The following SLC25A35 variants were observed in gnomAD, a reference collection of about 807,000 sequenced individuals.
SLC25A35 encodes solute carrier family 25, member 35.
Under a neutral mutation model 30.5 loss-of-function variants are expected in SLC25A35, and 32 were observed. The ratio of observed to expected loss-of-function variants is 1.05; its 90% CI spans 0.79 to 1.41. The LOEUF (loss-of-function observed/expected upper bound fraction) is 1.41, where lower values mean the gene tolerates loss of function less well. SLC25A35 is among the 40% of genes most tolerant of loss of function. SLC25A35 has a pLI of 0.00. For missense variants in SLC25A35, 369 were observed against 388.0 expected, an observed-to-expected ratio of 0.95 and a Z score of 0.41; for synonymous variants, 142 against 158.1, an observed-to-expected ratio of 0.90 and a Z score of 0.77.
chr17:8,292,367 G>A (rs1206519430), intron 2 of SLC25A35, among the ~76,000 whole-genome samples, 156 bp downstream of exon 2: 1 of 152,160 alleles, frequency 6.6e-6, no homozygotes, highest in Non-Finnish European at 1.5e-5. Flanking sequence ...TAAAAAAAGA[G>A]TAAAGAGGGT....
Position 8,290,170 on chromosome 17 carries a change from TGGAG to T in SLC25A35, c.*331_*334del. ...TGGGTCTCTCGATTCCCTTTGGTTTTGGAGGGAGGAGTTTAAAACTGTGCATGGG... is the reference window on the plus strand; with the variant it reads ...TGGGTCTCTCGATTCCCTTTGGTTTTGGAGGAGTTTAAAACTGTGCATGGG... On this transcript the variant is annotated 3_prime_UTR_variant, in exon 5 of 5. Transcript: ENST00000577745. 1 of 1,434,962 alleles carries T rather than the reference TGGAG, an allele frequency of 7.0e-7. No homozygotes were observed. The highest frequency in any genetic ancestry group is 1.4e-5 in the African/African-American group (1 of 69,716). The allele number at this position is 1,434,962 out of a possible 1,614,324, so 88.9% of individuals were successfully genotyped here. A position where few individuals can be genotyped will look rare whatever the true frequency, so the allele number is the denominator to read the frequency against.
At chr17:8,289,712 T>G (rs896724512), downstream of SLC25A35, 39 of 1,613,200 alleles carry the variant, frequency 2.4e-5, no homozygotes, top group African/African-American at 6.7e-5. Flanking sequence ...GCCAGAGGTT[T>G]GGGGTAACTG....
Position 8,290,420 on chromosome 17 carries a change from A to G in SLC25A35, c.*85T>C. ...GTCCCCCATGGATGGATGAAAGGTC[A>G]CCTAATCAGTAGTCACCAGGACATA... On this transcript the variant is annotated 3_prime_UTR_variant, in exon 5 of 5. Transcript: ENST00000577745. 6.7e-7 allele frequency: 1 copy of G among 1,490,112 alleles called. No individual in the cohort carries two copies. Among genetic ancestry groups the G allele is most frequent in the Non-Finnish European group, 8.9e-7 (1 of 1,122,350 alleles). 92.3% of individuals were successfully genotyped at this position (1,490,112 alleles called of 1,614,324 possible).
intron 2 of SLC25A35, 42 bp downstream of exon 2, chr17:8,292,481 G>T: frequency 2.5e-6 from 4 of 1,594,164 alleles, no homozygotes; most frequent in Non-Finnish European, 3.4e-6. Flanking sequence ...GGGGAAAAGA[G>T]AAAGGATGGT....
At position 8,290,830 on chromosome 17, in the gene SLC25A35, G is replaced by A; in HGVS notation, c.729+12C>T. Reference sequence around the variant, plus strand: ...CCCTGCTTCCCGCCTGCATCCCAGAGCACTTCCTTACCTTGCCCTGTGCAT... The same window carrying A: ...CCCTGCTTCCCGCCTGCATCCCAGAACACTTCCTTACCTTGCCCTGTGCAT... On this transcript the variant is annotated intron_variant, in intron 4 of 4. Coordinates refer to ENST00000577745, the MANE Select transcript of SLC25A35 (RefSeq NM_001320870.2). The A allele has an allele frequency of 6.2e-7, 1 of 1,612,478 alleles. No individual in the cohort carries two copies. The highest frequency in any genetic ancestry group is 8.5e-7 in the Non-Finnish European group (1 of 1,178,698).
chr17:8,290,045 C>T, downstream of SLC25A35: 1 of 1,586,134 alleles, frequency 6.3e-7, no homozygotes, highest in Admixed American at 1.8e-5. Context: ...TGTGCGTAAA[C>T]ATAAGACAAT....
At position 8,291,350 on chromosome 17, in the gene SLC25A35, G is replaced by C. The variant is rs1450059874; in HGVS notation, c.577C>G (p.Leu193Val). Residue 193 changes from leucine to valine, a missense_variant, in exon 3 of 5, where the codon CTC becomes GTC. By Grantham distance (32) the Leu-to-Val change is conservative. Coordinates refer to ENST00000577745, the MANE Select transcript of SLC25A35 (RefSeq NM_001320870.2). ...QLCTFSSTKDLLSQWEIFPPQ... is the reference protein window; with the variant it reads ...QLCTFSSTKDVLSQWEIFPPQ... ...GGCAGTACCTCCCACTGGCTCAGGA[G>C]GTCCTTGGTGGATGAGAAGGTGCAC... is the stretch of plus-strand genomic sequence containing the variant. 37 of 1,614,072 alleles carry C rather than the reference G, an allele frequency of 2.3e-5. No individual in the cohort carries two copies. Among genetic ancestry groups the C allele is most frequent in the Non-Finnish European group, 3.1e-5 (36 of 1,180,046 alleles).
In SLC25A35 at chr17:8,290,665, C is replaced by G. The variant is rs193041081; in HGVS notation, c.743G>C (p.Arg248Pro). 6.4e-7 allele frequency: 1 copy of G among 1,571,334 alleles called. No individual in the cohort carries two copies. Among genetic ancestry groups the G allele is most frequent in the East Asian group, 2.3e-5 (1 of 43,272 alleles). Residue 248 changes from arginine to proline, a missense_variant, in exon 5 of 5, where the codon CGG becomes CCG. By Grantham distance (103) the Arg-to-Pro change is moderately radical. Transcript: ENST00000577745. Reference sequence around the variant, plus strand: ...CTGCAGCAGAGCGTCCAGTATCCCCCGGTACATGAGGCCCTGAGAGTGTGT... The same window carrying G: ...CTGCAGCAGAGCGTCCAGTATCCCCGGGTACATGAGGCCCTGAGAGTGTGT... ...TDAQGKGLMY[R>P]GILDALLQTA...
intron 1 of SLC25A35, among the ~76,000 whole-genome samples, chr17:8,293,787 G>A (rs1334671935): frequency 6.0e-5 from 9 of 150,850 alleles, no homozygotes; most frequent in South Asian, 2.1e-4. Flanking sequence ...TCCTGACCTC[G>A]TGATCCGCCC....
downstream of SLC25A35, chr17:8,289,417 G>T (rs761852071): frequency 6.2e-7 from 1 of 1,614,040 alleles, no homozygotes; most frequent in Non-Finnish European, 8.5e-7. Flanking sequence ...ACCAGCAGGT[G>T]AGGGCCCGAG....
At position 8,290,842 on chromosome 17, in the gene SLC25A35, CT is replaced by C. The variant is rs1990435940; in HGVS notation, c.728del (p.Lys243ArgfsTer28). 6.2e-7 allele frequency: 1 copy of C among 1,613,812 alleles called. No homozygotes were observed. The highest frequency in any genetic ancestry group is 1.7e-5 in the Admixed American group (1 of 59,984). On this transcript the variant is annotated frameshift_variant and splice_region_variant, in exon 4 of 5. Transcript: ENST00000577745. LOFTEE classifies it high-confidence loss of function. ...LYNQPTDAQG[K>X]GLMYRGILDA... ...CCTGCATCCCAGAGCACTTCCTTACCTTGCCCTGTGCATCTGTGGGCTGGTT... is the reference window on the plus strand; with the variant it reads ...CCTGCATCCCAGAGCACTTCCTTACCTGCCCTGTGCATCTGTGGGCTGGTT...
chr17:8,292,149 T>G (rs1222798030), intron 2 of SLC25A35, among the ~76,000 whole-genome samples: 1 of 152,102 alleles, frequency 6.6e-6, no homozygotes, highest in African/African-American at 2.4e-5. Flanking sequence ...GCCACTGCAC[T>G]CCAGCCTGGG....
In SLC25A35 at chr17:8,291,044, C is replaced by T. The variant is rs549654652; in HGVS notation, c.595-68G>A. On this transcript the variant is annotated intron_variant, in intron 3 of 4. Transcript: ENST00000577745. ...TTACACCCCAAGGACAGGACAGTCC[C>T]TGCCCTGGGGACACAGATGCTGGTA... The T allele has an allele frequency of 6.3e-6, 10 of 1,588,838 alleles. No homozygotes were observed. In the African/African-American group the frequency reaches 1.1e-4, roughly 17 times the overall value.
chr17:8,289,986 T>G (rs138926923), downstream of SLC25A35: 4 of 1,612,094 alleles, frequency 2.5e-6, no homozygotes, highest in Non-Finnish European at 3.4e-6. Flanking sequence ...GACTCGGTTC[T>G]GTGAGGGGGA....
Position 8,295,149 on chromosome 17 carries a change from G to C in SLC25A35, c.-342C>G, listed in dbSNP as rs1567665500. 2.3e-5 allele frequency: 24 copies of C among 1,052,468 alleles called. No individual in the cohort carries two copies. Among genetic ancestry groups the C allele is most frequent in the Non-Finnish European group, 2.5e-5 (22 of 873,394 alleles). The allele number at this position is 1,052,468 out of a possible 1,614,324, so 65.2% of individuals were successfully genotyped here. ...GGGCGACGGGAGCACGGGAGTAGAG[G>C]AGGGAATCGCGGGGTTGGGAGATGG... On this transcript the variant is annotated 5_prime_UTR_variant, in exon 1 of 5. Coordinates refer to ENST00000577745, the MANE Select transcript of SLC25A35 (RefSeq NM_001320870.2).
At position 8,294,662 on chromosome 17, in the gene SLC25A35, G is replaced by T. The variant is rs751328137; in HGVS notation, c.146C>A (p.Ala49Asp). ...YQRHYRNVFH[A>D]FITIGKVDGL... ...ATCCACCTTGCCGATGGTGATGAAG[G>T]CATGGAAGACATTTCGGTAGTGCCG... Residue 49 changes from alanine to aspartate, a missense_variant, in exon 1 of 5, where the codon GCC (alanine) becomes GAC (aspartate). Coordinates refer to ENST00000577745, the MANE Select transcript of SLC25A35 (RefSeq NM_001320870.2). The T allele has an allele frequency of 6.8e-6, 11 of 1,614,208 alleles. No homozygotes were observed. The East Asian group carries it at 2.5e-4, about 36-fold the overall frequency.
At chr17:8,289,184 A>G (rs1990280079), downstream of SLC25A35, 1 of 1,600,642 alleles carries the variant, frequency 6.2e-7, no homozygotes, top group Non-Finnish European at 8.6e-7. Flanking sequence ...GCCGGGAGCC[A>G]GGCCTGCAAC....
At chr17:8,291,025 C>T (rs1209527376) in intron 3 of SLC25A35, 49 bp from the exon 4 acceptor site, 1 of 1,609,306 alleles carries the variant, frequency 6.2e-7, no homozygotes, top group East Asian at 2.2e-5. Context: ...ACTATTACAC[C>T]CCAAGGACAG....
At position 8,294,554 on chromosome 17, in the gene SLC25A35, C is replaced by A. The variant is rs1223963563; in HGVS notation, c.254G>T (p.Gly85Val). 1.2e-5 allele frequency: 20 copies of A among 1,614,112 alleles called. No individual in the cohort carries two copies. The East Asian group carries it at 4.2e-4, about 34-fold the overall frequency. ...LMNGIRLGTY[G>V]LAEAGGYLHT... is the part of the protein sequence containing the mutation. ...CAGGTAGCCCCCAGCCTCAGCCAGCCCATAGGTGCCCAGTCGGATGCCATT... is the reference window on the plus strand; with the variant it reads ...CAGGTAGCCCCCAGCCTCAGCCAGCACATAGGTGCCCAGTCGGATGCCATT... Residue 85 changes from glycine (G) to valine (V), a missense_variant, in exon 1 of 5, where the codon GGG becomes GTG. Coordinates refer to ENST00000577745, the MANE Select transcript of SLC25A35 (RefSeq NM_001320870.2).
Sources: gnomAD v4.1 joint callset for allele counts (sites outside exome capture counted in the v4.1 genomes callset) on GRCh38, gnomAD v4.1.1 for gene constraint, MANE v1.5 for transcripts, NCBI Gene and HGNC (gene_info 2026-07-23, HGNC 2026-07-21) for gene names.